ATP9A: variants seen among roughly 807,000 people sequenced by gnomAD.
The protein encoded by ATP9A is probable phospholipid-transporting ATPase IIA.
ATP9A carries 52 observed loss-of-function variants against 144.1 expected under a neutral mutation model. That is an observed-to-expected ratio of 0.36 (90% confidence interval 0.29 to 0.45). The LOEUF is 0.45. Among genes scored for constraint, ATP9A ranks in the 20% least tolerant of loss-of-function variants. The pLI, the probability that ATP9A is intolerant of heterozygous loss-of-function variation, is 1.00. For missense variants in ATP9A, 947 were observed against 1,392.7 expected (o/e 0.68, Z 5.09); for synonymous variants, 582 against 557.4 (o/e 1.04, Z -0.62).
At chr20:51,628,651 G>C (rs2077259158) in intron 16 of ATP9A, among the ~76,000 whole-genome samples, 2 of 152,186 alleles carry the variant, frequency 1.3e-5, no homozygotes, top group African/African-American at 4.8e-5. Context: ...CAGTCCAAAA[G>C]TAGCTGAATG....
chr20:51,651,856 G>C (rs529753223), intron 14 of ATP9A, among the ~76,000 whole-genome samples: 2 of 152,092 alleles, frequency 1.3e-5, no homozygotes, highest in African/African-American at 4.8e-5. Flanking sequence ...TTGAACCCGG[G>C]AGGCGGAGAT....
intron 1 of ATP9A, among the ~76,000 whole-genome samples, chr20:51,749,128 A>C (rs2077820947): frequency 1.3e-5 from 2 of 152,212 alleles, no homozygotes; most frequent in Non-Finnish European, 1.5e-5. Flanking sequence ...TGGGACGCTG[A>C]GGCAGGAGAA....
At chr20:51,730,497 T>G (rs1409640234) in intron 1 of ATP9A, among the ~76,000 whole-genome samples, 1 of 152,186 alleles carries the variant, frequency 6.6e-6, no homozygotes, top group African/African-American at 2.4e-5. Context: ...AATAAAAAGA[T>G]GCTTTGTCCC....
In ATP9A at chr20:51,766,066, C is replaced by A. The variant is rs142151890; in HGVS notation, c.68+2236G>T. On this transcript the variant is annotated intron_variant, in intron 1 of 27. Coordinates refer to ENST00000338821, the MANE Select transcript of ATP9A (RefSeq NM_006045.3). Reference sequence around the variant, plus strand: ...TTTAAATAAAATTATCTGCACCACTCCCTCTGGCTCTCCATATGAACGGCT... The same window carrying A: ...TTTAAATAAAATTATCTGCACCACTACCTCTGGCTCTCCATATGAACGGCT... Among the ~76,000 whole-genome samples the A allele has an allele frequency of 8.5e-5, 13 of 152,344 alleles. No individual in the cohort carries two copies. In the East Asian group the frequency reaches 2.1e-3, roughly 25 times the overall value.
chr20:51,732,022 C>G (rs1463230728), intron 1 of ATP9A, among the ~76,000 whole-genome samples: 2 of 152,124 alleles, frequency 1.3e-5, no homozygotes, highest in African/African-American at 4.8e-5. Context: ...CAGCTGTCGG[C>G]AGAACGACCC....
At chr20:51,727,388 C>T (rs1276520101) in intron 2 of ATP9A, among the ~76,000 whole-genome samples, 1 of 151,586 alleles carries the variant, frequency 6.6e-6, no homozygotes, top group Non-Finnish European at 1.5e-5. Flanking sequence ...GAGTTCGAGA[C>T]CAGCCATGGC....
chr20:51,670,052 T>A lies in ATP9A; in HGVS notation c.1238A>T (p.Tyr413Phe), dbSNP rs1336822898. Residue 413 changes from tyrosine (Y) to phenylalanine (F), a missense_variant, in exon 13 of 28, where the codon TAC (tyrosine) becomes TTC (phenylalanine). By Grantham distance (22) the Tyr-to-Phe change is conservative. Around this residue, in one of 2 missense-constraint regions of ATP9A, gnomAD observed 770 missense variants for 1,047.9 expected, o/e 0.73. Transcript: ENST00000338821. ...FKRLHLGTVA[Y>F]GLDSMDEVQS... is the part of the protein sequence containing the mutation. ...TACTTCGTCCATTGAGTCGAGGCCGTAGGCTACTGTTCCGAGATGGAGCCG... is the reference window on the plus strand; with the variant it reads ...TACTTCGTCCATTGAGTCGAGGCCGAAGGCTACTGTTCCGAGATGGAGCCG... 1 of 1,614,092 alleles carries A rather than the reference T, an allele frequency of 6.2e-7. No homozygotes were observed. Among genetic ancestry groups the A allele is most frequent in the Non-Finnish European group, 8.5e-7 (1 of 1,180,048 alleles).
chr20:51,635,670 G>A (rs1468961261), intron 15 of ATP9A, among the ~76,000 whole-genome samples: 5 of 151,484 alleles, frequency 3.3e-5, no homozygotes, highest in East Asian at 3.9e-4. Context: ...CTGGGAGGTC[G>A]AGGCTGCAGT....
intron 14 of ATP9A, among the ~76,000 whole-genome samples, chr20:51,645,799 T>A (rs1024828981): frequency 1.2e-4 from 18 of 152,178 alleles, no homozygotes; most frequent in African/African-American, 3.6e-4. Context: ...CTGAGATAAC[T>A]GCATTCCCTC....
intron 13 of ATP9A, among the ~76,000 whole-genome samples, chr20:51,665,133 C>T (rs369080430): frequency 8.5e-4 from 130 of 152,050 alleles, no homozygotes; most frequent in African/African-American, 2.9e-3. Flanking sequence ...CTCTGCTAAA[C>T]GGAAGACCGG....
intron 13 of ATP9A, among the ~76,000 whole-genome samples, chr20:51,659,944 A>G (rs2077404304): frequency 6.6e-6 from 1 of 152,244 alleles, no homozygotes; most frequent in Admixed American, 6.5e-5. Flanking sequence ...CAATAATTAG[A>G]GTAATGAATC....
chr20:51,760,548 G>A (rs1039547705), intron 1 of ATP9A, among the ~76,000 whole-genome samples: 1 of 151,660 alleles, frequency 6.6e-6, no homozygotes, highest in African/African-American at 2.4e-5. Context: ...CCAACATGGC[G>A]AAACCCCGTC....
In ATP9A at chr20:51,751,749, G is replaced by A. The variant is rs543630367; in HGVS notation, c.68+16553C>T. Among the ~76,000 whole-genome samples, 417 of 148,436 alleles carry A rather than the reference G, an allele frequency of 2.8e-3. 3 individuals carry two copies. Among genetic ancestry groups the A allele is most frequent in the African/African-American group, 9.1e-3 (365 of 40,244 alleles). On this transcript the variant is annotated intron_variant, in intron 1 of 27. Coordinates refer to ENST00000338821, the MANE Select transcript of ATP9A (RefSeq NM_006045.3). ...ACTGCAGGCGCCCACCACCACGCCC[G>A]GCTAATTTTTTTGTATTTTTAGTAG...
chr20:51,616,872 T>C (rs1381067433), intron 22 of ATP9A, among the ~76,000 whole-genome samples: 1 of 152,056 alleles, frequency 6.6e-6, no homozygotes, highest in Non-Finnish European at 1.5e-5. Context: ...CTAATGCTTT[T>C]ACTGACAACG....
chr20:51,697,374 T>C, intron 5 of ATP9A, 50 bp downstream of exon 5: 3 of 1,560,124 alleles, frequency 1.9e-6, no homozygotes, highest in South Asian at 1.1e-5. Context: ...AAATGACACA[T>C]TAGGACCCAT....
chr20:51,692,449 C>G (rs1372283289), intron 7 of ATP9A, among the ~76,000 whole-genome samples: 1 of 152,098 alleles, frequency 6.6e-6, no homozygotes, highest in African/African-American at 2.4e-5. Flanking sequence ...GTCTAGGAGC[C>G]CCTGGGGACT....
At chr20:51,693,629 G>T (rs564616394) in intron 7 of ATP9A, among the ~76,000 whole-genome samples, 1 of 151,912 alleles carries the variant, frequency 6.6e-6, no homozygotes, top group Non-Finnish European at 1.5e-5. Context: ...CCTCGAACCC[G>T]CAGGCTTAAG....
intron 21 of ATP9A, 141 bp from the exon 22 acceptor site, chr20:51,617,695 C>T: frequency 2.2e-6 from 2 of 915,704 alleles, no homozygotes; most frequent in Non-Finnish European, 3.4e-6. Flanking sequence ...ATCTCTCCAA[C>T]CCCTTGACTA....
At chr20:51,621,984 T>TCCC (rs2077228694) in intron 19 of ATP9A, 90 bp downstream of exon 19, 1 of 1,136,684 alleles carries the variant, frequency 8.8e-7, no homozygotes, top group Non-Finnish European at 1.3e-6. Context: ...ATGCTGCCCC[T>TCCC]CCCTTCTTAA....
Sources: gnomAD v4.1 joint callset for allele counts (sites outside exome capture counted in the v4.1 genomes callset) on GRCh38, gnomAD v4.1.1 for gene constraint, gnomAD v4.1.1 regional missense constraint, MANE v1.5 for transcripts, NCBI Gene and HGNC (gene_info 2026-07-23, HGNC 2026-07-21) for gene names.